SLX4IP: variants seen among roughly 807,000 people sequenced by gnomAD.
The protein encoded by SLX4IP is SLX4 interacting protein.
Under a neutral mutation model 32.9 loss-of-function variants are expected in SLX4IP, and 34 were observed. The ratio of observed to expected loss-of-function variants is 1.03; its 90% CI spans 0.79 to 1.38. SLX4IP has a LOEUF of 1.38. Among genes scored for constraint, SLX4IP ranks in the 40% most tolerant of loss-of-function variants. The probability of loss-of-function intolerance (pLI) is 0.00; values close to 1 mark genes in which losing one functional copy is unlikely to be tolerated. For synonymous variants in SLX4IP, 172 were observed against 171.7 expected (o/e 1.00, Z -0.01); for missense variants, 444 against 479.0 (o/e 0.93, Z 0.68).
chr20:10,522,343 ATCCTCT>A (rs2122450831), intron 2 of SLX4IP, among the ~76,000 whole-genome samples: 1 of 152,290 alleles, frequency 6.6e-6, no homozygotes, highest in South Asian at 2.1e-4. Flanking sequence ...AGTGTTTTCA[ATCCTCT>A]TCCCCTCTGC....
intron 2 of SLX4IP, among the ~76,000 whole-genome samples, chr20:10,469,091 G>T (rs1333071288): frequency 1.3e-5 from 2 of 152,066 alleles, no homozygotes; most frequent in Non-Finnish European, 2.9e-5. Context: ...ATTTGTGTTG[G>T]GCTGCATTCA....
chr20:10,509,135 C>T (rs1379485418), intron 2 of SLX4IP, among the ~76,000 whole-genome samples: 2 of 152,184 alleles, frequency 1.3e-5, no homozygotes, highest in African/African-American at 4.8e-5. Context: ...AACGTCTGAC[C>T]TAGTGCCAGG....
intron 1 of SLX4IP, among the ~76,000 whole-genome samples, chr20:10,444,623 G>A (rs1285699855): frequency 1.3e-5 from 2 of 152,070 alleles, no homozygotes; most frequent in Non-Finnish European, 1.5e-5. Flanking sequence ...TGATCCGCCC[G>A]CCTCAGCCTC....
chr20:10,606,325 C>T (rs2066905191), intron 6 of SLX4IP, among the ~76,000 whole-genome samples: 1 of 152,020 alleles, frequency 6.6e-6, no homozygotes, highest in African/African-American at 2.4e-5. Flanking sequence ...ATGTTTGTAC[C>T]CTCATGACAG....
At chr20:10,573,807 A>G (rs530099300) in intron 4 of SLX4IP, among the ~76,000 whole-genome samples, 1 of 152,388 alleles carries the variant, frequency 6.6e-6, no homozygotes, top group South Asian at 2.1e-4. Flanking sequence ...ATGTTTAAAT[A>G]GCTTTGGTTA....
chr20:10,451,850 C>A (rs2065244991), intron 1 of SLX4IP, among the ~76,000 whole-genome samples: 4 of 152,060 alleles, frequency 2.6e-5, no homozygotes, highest in Admixed American at 2.6e-4. Flanking sequence ...CGCCTGTAAT[C>A]CCAGCTACTT....
Position 10,564,385 on chromosome 20 carries a change from T to G in SLX4IP, c.238+3565T>G, listed in dbSNP as rs78931144. Among the ~76,000 whole-genome samples the G allele has an allele frequency of 2.0e-4, 31 of 152,350 alleles. No homozygotes were observed. The East Asian group carries it at 6.0e-3, about 29-fold the overall frequency. The stretch of plus-strand genomic sequence containing the variant: ...TCCCTGAAAATAGAGTTGTTGTTTC[T>G]GTGTAGGTAGTTTGGATGAATGTGG... On this transcript the variant is annotated intron_variant, in intron 4 of 7. Coordinates refer to ENST00000334534, the MANE Select transcript of SLX4IP (RefSeq NM_001009608.3).
At chr20:10,468,823 A>G (rs2065400935) in intron 2 of SLX4IP, among the ~76,000 whole-genome samples, 1 of 152,058 alleles carries the variant, frequency 6.6e-6, no homozygotes, top group Admixed American at 6.6e-5. Flanking sequence ...TAAGAACATC[A>G]TCTTGAGGTG....
chr20:10,549,783 G>T (rs1284395993), intron 2 of SLX4IP, among the ~76,000 whole-genome samples: 1 of 152,318 alleles, frequency 6.6e-6, no homozygotes, highest in Middle Eastern at 3.4e-3. Context: ...AGAGTGGCAA[G>T]GATTTAATTG....
intron 4 of SLX4IP, among the ~76,000 whole-genome samples, chr20:10,568,405 A>T (rs1238135132): frequency 6.6e-6 from 1 of 152,200 alleles, no homozygotes; most frequent in Non-Finnish European, 1.5e-5. Context: ...CTGTTCACTG[A>T]GATAGAAAAA....
chr20:10,444,321 G>C (rs576129947), intron 1 of SLX4IP, among the ~76,000 whole-genome samples: 1 of 144,340 alleles, frequency 6.9e-6, no homozygotes, highest in Non-Finnish European at 1.6e-5. Flanking sequence ...CACAGTTCTG[G>C]AGAATGGGAC....
intron 2 of SLX4IP, among the ~76,000 whole-genome samples, chr20:10,531,494 A>G (rs1327290731): frequency 6.6e-6 from 1 of 152,224 alleles, no homozygotes; most frequent in East Asian, 1.9e-4. Flanking sequence ...TACCTGTTCA[A>G]TAAATGTTTA....
At chr20:10,522,423 G>A (rs988505065) in intron 2 of SLX4IP, among the ~76,000 whole-genome samples, 7 of 152,232 alleles carry the variant, frequency 4.6e-5, no homozygotes, top group East Asian at 3.9e-4. Flanking sequence ...ATACAAACCC[G>A]TAGGGTGGAG....
intron 2 of SLX4IP, among the ~76,000 whole-genome samples, chr20:10,511,609 G>T (rs2065808400): frequency 6.6e-6 from 1 of 152,236 alleles, no homozygotes; most frequent in South Asian, 2.1e-4. Flanking sequence ...AGCTGGACGT[G>T]TTCCATCTTC....
At chr20:10,597,643 C>G (rs1284720401) in intron 4 of SLX4IP, among the ~76,000 whole-genome samples, 1 of 152,190 alleles carries the variant, frequency 6.6e-6, no homozygotes, top group Non-Finnish European at 1.5e-5. Flanking sequence ...CAGTGTGTGA[C>G]TATATCCCCA....
chr20:10,593,595 G>C (rs532889372), intron 4 of SLX4IP, among the ~76,000 whole-genome samples: 1 of 152,096 alleles, frequency 6.6e-6, no homozygotes, highest in Non-Finnish European at 1.5e-5. Context: ...ACTTAGATGA[G>C]TGTGGTAGCA....
Position 10,625,140 on chromosome 20 carries a change from A to G in SLX4IP, c.*1761A>G, listed in dbSNP as rs914148084. 6.9e-6 allele frequency: 1 copy of G among 145,188 alleles called. No homozygotes were observed. Among genetic ancestry groups the G allele is most frequent in the Non-Finnish European group, 1.5e-5 (1 of 65,304 alleles). 9.0% of individuals were successfully genotyped at this position (145,188 alleles called of 1,614,324 possible). On this transcript the variant is annotated 3_prime_UTR_variant, in exon 8 of 8. Coordinates refer to ENST00000334534, the MANE Select transcript of SLX4IP (RefSeq NM_001009608.3). ...ATAGGGGTGGGCTGCACAGAGTGGA[A>G]ACCGAGTACCTGGTAGAATGTGCAT...
chr20:10,444,386 C>CT (rs1257373081), intron 1 of SLX4IP, among the ~76,000 whole-genome samples: 40 of 151,352 alleles, frequency 2.6e-4, no homozygotes, highest in African/African-American at 8.7e-4. Context: ...TTCTTTCTTT[C>CT]TTTTTTTTTG....
intron 4 of SLX4IP, among the ~76,000 whole-genome samples, chr20:10,595,248 A>G (rs2066755734): frequency 6.6e-6 from 1 of 152,152 alleles, no homozygotes; most frequent in Non-Finnish European, 1.5e-5. Context: ...TTCTCCCTCT[A>G]ATCCAAATCC....
Sources: allele counts gnomAD v4.1 joint callset (sites outside exome capture counted in the v4.1 genomes callset), GRCh38; gene constraint gnomAD v4.1.1; transcripts MANE v1.5; gene names NCBI Gene and HGNC (gene_info 2026-07-23, HGNC 2026-07-21).